The following SPECC1 variants were observed in gnomAD, a reference collection of about 807,000 sequenced individuals.
The protein encoded by SPECC1 is sperm antigen with calponin homology and coiled-coil domains 1, also known as cytospin-B.
A neutral mutation model predicts 104.1 loss-of-function variants in SPECC1; 62 were observed. The observed-to-expected ratio is 0.60, with a 90% CI of 0.49 to 0.74. The LOEUF (loss-of-function observed/expected upper bound fraction) is 0.74. Among genes scored for constraint, SPECC1 ranks in the 30% least tolerant of loss-of-function variants. The pLI, the probability that SPECC1 is intolerant of heterozygous loss-of-function variation, is 0.00. For synonymous variants in SPECC1, 513 were observed against 501.6 expected, an observed-to-expected ratio of 1.02 and a Z score of -0.30; for missense variants, 1,306 against 1,310.5, an observed-to-expected ratio of 1.00 and a Z score of 0.05.
At chr17:20,299,331 A>T (rs927760977) in intron 13 of SPECC1, among the ~76,000 whole-genome samples, 20 of 151,958 alleles carry the variant, frequency 1.3e-4, no homozygotes, top group Non-Finnish European at 2.4e-4. Flanking sequence ...AGACAGGAGG[A>T]TCACTTGAGC....
chr17:20,225,262 G>A (rs1316632814), intron 4 of SPECC1, among the ~76,000 whole-genome samples: 1 of 152,162 alleles, frequency 6.6e-6, no homozygotes, highest in Non-Finnish European at 1.5e-5. Context: ...TCCCTTGGCT[G>A]CTCCAGGTGG....
intron 1 of SPECC1, among the ~76,000 whole-genome samples, chr17:20,028,519 T>C (rs939567396): frequency 1.3e-5 from 2 of 151,830 alleles, no homozygotes; most frequent in African/African-American, 4.8e-5. Context: ...TTACCATAGA[T>C]GTTTAGGCTT....
chr17:20,265,579 A>G (rs1450602752), intron 12 of SPECC1, among the ~76,000 whole-genome samples: 6 of 152,220 alleles, frequency 3.9e-5, no homozygotes, highest in Admixed American at 2.0e-4. Flanking sequence ...TTTGCTGTGA[A>G]GGAACTCTTT....
chr17:20,161,192 CAGAGTA>C (rs1157178243), intron 3 of SPECC1, among the ~76,000 whole-genome samples: 1 of 152,168 alleles, frequency 6.6e-6, no homozygotes, highest in African/African-American at 2.4e-5. Flanking sequence ...ACCTGGGTGA[CAGAGTA>C]AGAGTGTCTC....
chr17:20,077,175 A>G (rs749209511), intron 1 of SPECC1, among the ~76,000 whole-genome samples: 5 of 152,134 alleles, frequency 3.3e-5, no homozygotes, highest in Admixed American at 6.5e-5. Flanking sequence ...TAAGTCTTCT[A>G]TGTTAGAGAT....
At chr17:20,052,825 A>G (rs1368400654) in intron 1 of SPECC1, among the ~76,000 whole-genome samples, 2 of 152,238 alleles carry the variant, frequency 1.3e-5, no homozygotes, top group South Asian at 2.1e-4. Context: ...TAGCAAAAAG[A>G]GAAGGTAGGA....
intron 3 of SPECC1, among the ~76,000 whole-genome samples, chr17:20,202,210 ATGT>A (rs2036477863): frequency 6.6e-6 from 1 of 152,134 alleles, no homozygotes; most frequent in South Asian, 2.1e-4. Flanking sequence ...CCACTTCCTG[ATGT>A]TGTTGCAGTG....
At chr17:20,035,559 A>T (rs771102835) in intron 1 of SPECC1, among the ~76,000 whole-genome samples, 1 of 152,032 alleles carries the variant, frequency 6.6e-6, no homozygotes, top group Non-Finnish European at 1.5e-5. Context: ...AGTATTTATT[A>T]TGTTTTTAAT....
chr17:20,223,063 T>C (rs1477552054), intron 4 of SPECC1, among the ~76,000 whole-genome samples: 1 of 152,168 alleles, frequency 6.6e-6, no homozygotes, highest in African/African-American at 2.4e-5. Flanking sequence ...TGTACTTGAG[T>C]ATTAATATTT....
At chr17:20,195,311 A>T (rs1186486795) in intron 3 of SPECC1, among the ~76,000 whole-genome samples, 1 of 152,184 alleles carries the variant, frequency 6.6e-6, no homozygotes, top group Non-Finnish European at 1.5e-5. Context: ...ACATTTGATA[A>T]GGAAATTTTG....
chr17:20,178,125 A>G (rs1007752653), intron 3 of SPECC1, among the ~76,000 whole-genome samples: 1 of 151,818 alleles, frequency 6.6e-6, no homozygotes, highest in Non-Finnish European at 1.5e-5. Flanking sequence ...GGCTCAAGCA[A>G]TCCTCCCACC....
At chr17:20,164,657 T>C (rs1039014649) in intron 3 of SPECC1, among the ~76,000 whole-genome samples, 3 of 152,232 alleles carry the variant, frequency 2.0e-5, no homozygotes, top group Admixed American at 1.3e-4. Flanking sequence ...TTGTTAGTTT[T>C]CTCAACCTTC....
chr17:20,271,507 A>G (rs1303295229), intron 12 of SPECC1, among the ~76,000 whole-genome samples: 1 of 152,108 alleles, frequency 6.6e-6, no homozygotes, highest in Non-Finnish European at 1.5e-5. Context: ...TACACTTAAA[A>G]TCGTCTTGTT....
intron 3 of SPECC1, among the ~76,000 whole-genome samples, chr17:20,192,467 A>T (rs765768762): frequency 3.3e-5 from 5 of 151,748 alleles, no homozygotes; most frequent in African/African-American, 4.8e-5. Context: ...TGGCCCTGCA[A>T]CCCTCTCCTA....
intron 1 of SPECC1, among the ~76,000 whole-genome samples, chr17:20,028,990 G>A (rs752837634): frequency 3.9e-5 from 6 of 152,066 alleles, no homozygotes; most frequent in Non-Finnish European, 7.4e-5. Context: ...TCGAGCTCCC[G>A]ACCTCAGGTA....
In SPECC1 at chr17:20,076,624, A is replaced by T. The variant is rs561967359; in HGVS notation, c.-21-20007A>T. ...TTTTTTGTGTTTTGCTATTATAAGT[A>T]ATAGATTAGTAACCGTCTTTGTCCA... On this transcript the variant is annotated intron_variant, in intron 1 of 14. Coordinates refer to ENST00000395527, the MANE Select transcript of SPECC1 (RefSeq NM_001243439.2). 3.9e-5 allele frequency among the ~76,000 whole-genome samples: 6 copies of T among 152,208 alleles called. No homozygotes were observed. In the South Asian group the frequency reaches 1.2e-3, roughly 31 times the overall value.
chr17:20,052,837 G>A (rs758723960), intron 1 of SPECC1, among the ~76,000 whole-genome samples: 1 of 152,206 alleles, frequency 6.6e-6, no homozygotes, highest in Non-Finnish European at 1.5e-5. Context: ...AAGGTAGGAA[G>A]GTACAGGTAA....
chr17:20,051,125 TTTCTTTCTTTCTTTCC>T lies in SPECC1; in HGVS notation c.-22+41709_-22+41724del, dbSNP rs2045752936. ...CTTTCTTTCTTTCTTTCTTTCTTTC[TTTCTTTCTTTCTTTCC>T]TTCTTTCCTTCTTTCCTTCTTTCCT... On this transcript the variant is annotated intron_variant, in intron 1 of 14. Coordinates refer to ENST00000395527, the MANE Select transcript of SPECC1 (RefSeq NM_001243439.2). Among the ~76,000 whole-genome samples the T allele has an allele frequency of 7.3e-3, 494 of 67,256 alleles. 2 individuals are homozygous for T. The highest frequency in any genetic ancestry group is 0.022 in the South Asian group (47 of 2,178). 44.1% of individuals were successfully genotyped at this position (67,256 alleles called of 152,430 possible). A position where few individuals can be genotyped will look rare whatever the true frequency, so the allele number is the denominator to read the frequency against.
chr17:20,082,880 C>G (rs1050903589), intron 1 of SPECC1, among the ~76,000 whole-genome samples: 1 of 152,078 alleles, frequency 6.6e-6, no homozygotes, highest in African/African-American at 2.4e-5. Flanking sequence ...GCCACTTTCC[C>G]CTCCAGCACC....
Sources: allele counts gnomAD v4.1 joint callset (sites outside exome capture counted in the v4.1 genomes callset), GRCh38; gene constraint gnomAD v4.1.1; transcripts MANE v1.5; gene names NCBI Gene and HGNC (gene_info 2026-07-23, HGNC 2026-07-21).